ABCG1: variants seen among roughly 807,000 people sequenced by gnomAD.
ABCG1 encodes the protein ATP-binding cassette sub-family G member 1.
In ABCG1, 29 loss-of-function variants were observed where a neutral mutation model predicts 69.2. The observed-to-expected ratio is 0.42, with a 90% CI of 0.31 to 0.57. The LOEUF (loss-of-function observed/expected upper bound fraction) is 0.57, where lower values mean the gene tolerates loss of function less well. ABCG1 is among the 20% of genes least tolerant of loss of function. ABCG1 has a pLI of 0.15. For synonymous variants in ABCG1, 370 were observed against 374.8 expected, an observed-to-expected ratio of 0.99 and a Z score of 0.15; for missense variants, 718 against 898.1, an observed-to-expected ratio of 0.80 and a Z score of 2.56.
rs186554635 is a variant in ABCG1, at chr21:42,291,963, T to C, written c.1653+307T>C. Among the ~76,000 whole-genome samples, 3 of 152,244 alleles carry C rather than the reference T, an allele frequency of 2.0e-5. No homozygotes were observed. The highest frequency in any genetic ancestry group is 2.9e-5 in the Non-Finnish European group (2 of 67,992). Reference sequence around the variant, plus strand: ...GGTGCTGTGCTGGCCCCATTTTACATAGGGGAGCACTGAGGCCCAGAGAGG... The same window carrying C: ...GGTGCTGTGCTGGCCCCATTTTACACAGGGGAGCACTGAGGCCCAGAGAGG... On this transcript the variant is annotated intron_variant, in intron 13 of 14. Transcript: ENST00000398449. The surrounding 1 kb of genome is among the most constrained non-coding windows in gnomAD (Gnocchi z 6.4).
chr21:42,219,334 A>C lies in ABCG1; in HGVS notation c.42+30A>C. On this transcript the variant is annotated intron_variant, in intron 1 of 14. Transcript: ENST00000398449. This position sits in a 1 kb window ranked among gnomAD's most constrained non-coding sequence, Gnocchi z 5.3. Reference sequence around the variant, plus strand: ...GTGAGCGCATCCTTCGTCCGCCGGGAACGGTTTTATTTTCAAGGAGAGCAG... The same window carrying C: ...GTGAGCGCATCCTTCGTCCGCCGGGCACGGTTTTATTTTCAAGGAGAGCAG... The C allele has an allele frequency of 6.3e-7, 1 of 1,591,784 alleles. No homozygotes were observed. The highest frequency in any genetic ancestry group is 1.1e-5 in the South Asian group (1 of 89,182).
At chr21:42,207,331 A>G (rs2067551182) in intron 2 of ABCG1, among the ~76,000 whole-genome samples, 1 of 152,118 alleles carries the variant, frequency 6.6e-6, no homozygotes, top group South Asian at 2.1e-4. Flanking sequence ...CCAGTTTATT[A>G]ATTTTTTCCT....
rs532643886 is a variant in ABCG1 at position 42,287,307 on chromosome 21, C to G, written c.974-582C>G. On this transcript the variant is annotated intron_variant, in intron 8 of 14. Transcript: ENST00000398449. The surrounding 1 kb of genome is among the most constrained non-coding windows in gnomAD (Gnocchi z 6.2). ...GTCTGCAGGTGGAGTGGGGAGGTGA[C>G]GATTGGGATGCGAGAGGCAGGAGCA... Among the ~76,000 whole-genome samples, 1 of 152,044 alleles carries G rather than the reference C, an allele frequency of 6.6e-6. No individual in the cohort carries two copies. Among genetic ancestry groups the G allele is most frequent in the African/African-American group, 2.4e-5 (1 of 41,378 alleles).
chr21:42,287,747 T>A lies in ABCG1; in HGVS notation c.974-142T>A. 1.2e-6 allele frequency: 1 copy of A among 849,774 alleles called. No individual in the cohort carries two copies. Among genetic ancestry groups the A allele is most frequent in the Non-Finnish European group, 1.8e-6 (1 of 559,896 alleles). The allele number at this position is 849,774 out of a possible 1,614,324, so 52.6% of individuals were successfully genotyped here. Reference sequence around the variant, plus strand: ...GCCGCACGCTGGTTGATAAATGATTTTGACGTCATGCCATTAGCACCGCCA... The same window carrying A: ...GCCGCACGCTGGTTGATAAATGATTATGACGTCATGCCATTAGCACCGCCA... On this transcript the variant is annotated intron_variant, in intron 8 of 14. Coordinates refer to ENST00000398449, the MANE Select transcript of ABCG1 (RefSeq NM_016818.3). This position sits in a 1 kb window ranked among gnomAD's most constrained non-coding sequence, Gnocchi z 6.2.
In ABCG1 at chr21:42,291,297, G is replaced by A. The variant is rs749247733; in HGVS notation, c.1494+105G>A. The A allele has an allele frequency of 5.1e-5, 60 of 1,176,204 alleles. No individual in the cohort carries two copies. The highest frequency in any genetic ancestry group is 2.6e-4 in the Middle Eastern group (1 of 3,914). 72.9% of individuals were successfully genotyped at this position (1,176,204 alleles called of 1,614,324 possible). A position where few individuals can be genotyped will look rare whatever the true frequency, so the allele number is the denominator to read the frequency against. ...CCAGGGATGCAGGGTGACATGGCCC[G>A]ACTTCGGGAGCTCTGGTGGGAGCTG... On this transcript the variant is annotated intron_variant, in intron 12 of 14. Coordinates refer to ENST00000398449, the MANE Select transcript of ABCG1 (RefSeq NM_016818.3). The surrounding 1 kb of genome is among the most constrained non-coding windows in gnomAD (Gnocchi z 6.4).
Position 42,219,395 on chromosome 21 carries a change from C to A in ABCG1, c.42+91C>A. ...AAGACTCGCAAGCTCGACCTGACAC[C>A]CCTCCCAGGAGCGCGTCCTCTGGGC... is the stretch of plus-strand genomic sequence containing the variant. On this transcript the variant is annotated intron_variant, in intron 1 of 14. Coordinates refer to ENST00000398449, the MANE Select transcript of ABCG1 (RefSeq NM_016818.3). The surrounding 1 kb of genome is among the most constrained non-coding windows in gnomAD (Gnocchi z 5.3). 3 of 1,518,836 alleles carry A rather than the reference C, an allele frequency of 2.0e-6. No individual in the cohort carries two copies. The highest frequency in any genetic ancestry group is 2.0e-5 in the Admixed American group (1 of 49,942). The allele number at this position is 1,518,836 out of a possible 1,614,324, so 94.1% of individuals were successfully genotyped here. A position where few individuals can be genotyped will look rare whatever the true frequency, so the allele number is the denominator to read the frequency against.
At chr21:42,234,060 T>C (rs1601365829) in intron 2 of ABCG1, among the ~76,000 whole-genome samples, 1 of 152,138 alleles carries the variant, frequency 6.6e-6, no homozygotes, top group East Asian at 1.9e-4. Flanking sequence ...TAAAAATAAC[T>C]GGTGTTTACT....
chr21:42,291,717 G>A lies in ABCG1; in HGVS notation c.1653+61G>A. On this transcript the variant is annotated intron_variant, in intron 13 of 14. Coordinates refer to ENST00000398449, the MANE Select transcript of ABCG1 (RefSeq NM_016818.3). The surrounding 1 kb of genome is among the most constrained non-coding windows in gnomAD (Gnocchi z 6.4). ...GGCTGGGCTTCCCTGAGCTACCTTGGCCTGAGCTAGGGGGCTCTGCCACCC... is the reference window on the plus strand; with the variant it reads ...GGCTGGGCTTCCCTGAGCTACCTTGACCTGAGCTAGGGGGCTCTGCCACCC... The A allele has an allele frequency of 6.6e-7, 1 of 1,508,960 alleles. No homozygotes were observed. The highest frequency in any genetic ancestry group is 1.2e-5 in the South Asian group (1 of 80,396). 93.5% of individuals were successfully genotyped at this position (1,508,960 alleles called of 1,614,324 possible). A position where few individuals can be genotyped will look rare whatever the true frequency, so the allele number is the denominator to read the frequency against.
In ABCG1 at chr21:42,273,279, C is replaced by T; in HGVS notation, c.405-24C>T. On this transcript the variant is annotated intron_variant, in intron 3 of 14. Coordinates refer to ENST00000398449, the MANE Select transcript of ABCG1 (RefSeq NM_016818.3). The surrounding 1 kb of genome is among the most constrained non-coding windows in gnomAD (Gnocchi z 5.3). Reference sequence around the variant, plus strand: ...GGAGGAGCAGGAGCCCGGCTGACGGCTTCTCCTGTCCTTGGTTCTGCAGGG... The same window carrying T: ...GGAGGAGCAGGAGCCCGGCTGACGGTTTCTCCTGTCCTTGGTTCTGCAGGG... 6.2e-7 allele frequency: 1 copy of T among 1,602,826 alleles called. No individual in the cohort carries two copies. Among genetic ancestry groups the T allele is most frequent in the Non-Finnish European group, 8.5e-7 (1 of 1,173,746 alleles).
chr21:42,219,224 C>A lies in ABCG1; in HGVS notation c.-39C>A. The A allele has an allele frequency of 1.2e-6, 1 of 815,232 alleles. No individual in the cohort carries two copies. The highest frequency in any genetic ancestry group is 1.5e-6 in the Non-Finnish European group (1 of 647,678). The allele number at this position is 815,232 out of a possible 1,614,324, so 50.5% of individuals were successfully genotyped here. On this transcript the variant is annotated 5_prime_UTR_variant, in exon 1 of 15. Transcript: ENST00000398449. The surrounding 1 kb of genome is among the most constrained non-coding windows in gnomAD (Gnocchi z 5.3). Reference sequence around the variant, plus strand: ...GGCCCCGCAGCTCAAGCCTCGTCCCCGCCGCCGCCGCCGCCGCCGCCGCCG... The same window carrying A: ...GGCCCCGCAGCTCAAGCCTCGTCCCAGCCGCCGCCGCCGCCGCCGCCGCCG...
chr21:42,281,544 C>G (rs2068808194), intron 5 of ABCG1, among the ~76,000 whole-genome samples: 1 of 152,236 alleles, frequency 6.6e-6, no homozygotes, highest in South Asian at 2.1e-4. Flanking sequence ...TTCCCAGAGC[C>G]TGTGCCGTGG....
At chr21:42,286,458 TAC>T (rs939958141) in intron 8 of ABCG1, among the ~76,000 whole-genome samples, 1 of 152,248 alleles carries the variant, frequency 6.6e-6, no homozygotes, top group Non-Finnish European at 1.5e-5. Context: ...CCGTATTTTC[TAC>T]CACACTATTT....
chr21:42,245,109 T>C (rs561624509), intron 2 of ABCG1, among the ~76,000 whole-genome samples: 1 of 152,294 alleles, frequency 6.6e-6, no homozygotes, highest in African/African-American at 2.4e-5. Context: ...TTGCCAGACC[T>C]TGTGTTCCCT....
chr21:42,273,285 C>T lies in ABCG1; in HGVS notation c.405-18C>T, dbSNP rs1415547880. The stretch of plus-strand genomic sequence containing the variant: ...GCAGGAGCCCGGCTGACGGCTTCTC[C>T]TGTCCTTGGTTCTGCAGGGAGACGG... On this transcript the variant is annotated intron_variant, in intron 3 of 14. Coordinates refer to ENST00000398449, the MANE Select transcript of ABCG1 (RefSeq NM_016818.3). The surrounding 1 kb of genome is among the most constrained non-coding windows in gnomAD (Gnocchi z 5.3). 6.2e-7 allele frequency: 1 copy of T among 1,607,866 alleles called. No individual in the cohort carries two copies. Among genetic ancestry groups the T allele is most frequent in the Non-Finnish European group, 8.5e-7 (1 of 1,176,896 alleles).
chr21:42,247,992 T>TGAGAC (rs1312290085), intron 2 of ABCG1, among the ~76,000 whole-genome samples: 1 of 152,100 alleles, frequency 6.6e-6, no homozygotes, highest in Non-Finnish European at 1.5e-5. Flanking sequence ...CTCAGAACGG[T>TGAGAC]GAGACGGCAC....
chr21:42,296,666 G>A lies in ABCG1; in HGVS notation c.*274G>A, dbSNP rs947351732. 3 of 437,220 alleles carry A rather than the reference G, an allele frequency of 6.9e-6. No homozygotes were observed. 27.1% of individuals were successfully genotyped at this position (437,220 alleles called of 1,614,324 possible). On this transcript the variant is annotated 3_prime_UTR_variant, in exon 15 of 15. Transcript: ENST00000398449. The surrounding 1 kb of genome is among the most constrained non-coding windows in gnomAD (Gnocchi z 5.4). ...ATACAGAATTTTAAATACCACAACT[G>A]GGGCAGAATTTAAAGCTGCAACACA...
chr21:42,289,141 C>T (rs936070125), intron 10 of ABCG1, among the ~76,000 whole-genome samples: 9 of 152,142 alleles, frequency 5.9e-5, no homozygotes, highest in Non-Finnish European at 8.8e-5. Flanking sequence ...CAATAGTCAG[C>T]GTTCACTGTA....
intron 2 of ABCG1, among the ~76,000 whole-genome samples, chr21:42,208,691 T>C (rs1379830560): frequency 6.6e-6 from 1 of 152,160 alleles, no homozygotes; most frequent in Non-Finnish European, 1.5e-5. Context: ...GGAGCCTCCA[T>C]TTTCTTTTTT....
At position 42,219,668 on chromosome 21, in the gene ABCG1, C is replaced by T. The variant is rs938534681; in HGVS notation, c.42+364C>T. On this transcript the variant is annotated intron_variant, in intron 1 of 14. Transcript: ENST00000398449. The surrounding 1 kb of genome is among the most constrained non-coding windows in gnomAD (Gnocchi z 5.3). The stretch of plus-strand genomic sequence containing the variant: ...AGCGCACTGGGGACTGGGGAGGGGC[C>T]GCAGCTTGGGCCGGAGGGAAGAGGG... Among the ~76,000 whole-genome samples the T allele has an allele frequency of 6.6e-6, 1 of 151,992 alleles. No homozygotes were observed. The highest frequency in any genetic ancestry group is 1.5e-5 in the Non-Finnish European group (1 of 67,958).
Sources: allele counts gnomAD v4.1 joint callset (sites outside exome capture counted in the v4.1 genomes callset), GRCh38; gene constraint gnomAD v4.1.1; non-coding constraint Gnocchi (gnomAD v3.1); transcripts MANE v1.5; gene names NCBI Gene and HGNC (gene_info 2026-07-23, HGNC 2026-07-21).